Variants in FRMPD3 observed in about 807,000 individuals in gnomAD.
The protein encoded by FRMPD3 is FERM and PDZ domain-containing protein 3.
Under a neutral mutation model 97.9 loss-of-function variants are expected in FRMPD3, and 42 were observed. The observed-to-expected ratio is 0.43, with a 90% confidence interval of 0.34 to 0.55. FRMPD3 has a LOEUF of 0.55. Among genes scored for constraint, FRMPD3 ranks in the 20% least tolerant of loss-of-function variants. The pLI is 0.03. For synonymous variants in FRMPD3, 577 were observed against 581.1 expected (o/e 0.99, Z 0.10); for missense variants, 1,303 against 1,457.7 (o/e 0.89, Z 1.73).
At chrX:107,462,540 GA>G (rs1159514576) in intron 1 of FRMPD3, among the ~76,000 whole-genome samples, 1 of 112,151 alleles carries the variant, frequency 8.9e-6, no homozygotes, top group East Asian at 2.8e-4. Flanking sequence ...TCCAGGTGAG[GA>G]ATGATGCACC....
chrX:107,581,177 C>T (rs1235838056), intron 13 of FRMPD3, among the ~76,000 whole-genome samples: 1 of 110,977 alleles, frequency 9.0e-6, no homozygotes, highest in Admixed American at 9.7e-5. Flanking sequence ...GTCATGATCT[C>T]GGCTCATTGC....
intron 13 of FRMPD3, among the ~76,000 whole-genome samples, chrX:107,577,618 C>T (rs1469505791): frequency 2.7e-5 from 3 of 110,402 alleles, no homozygotes; most frequent in Non-Finnish European, 3.8e-5. Flanking sequence ...CTTTTTACTT[C>T]AGCCTGGGCG....
Position 107,560,758 on chromosome X carries a change from C to G in FRMPD3, c.931C>G (p.Pro311Ala), listed in dbSNP as rs1922322778. The change falls in exon 10 of 15, where the codon CCC becomes GCC. Residue 311 changes from proline to alanine, a missense_variant. By Grantham distance (27) the Pro-to-Ala change is conservative. Transcript: ENST00000683843. ...GTGGGGCCTGGAACCCTTTCTTCCCCCCTCCCTCCTGCAGGTCATCAAAGA... is the reference window on the plus strand; with the variant it reads ...GTGGGGCCTGGAACCCTTTCTTCCCGCCTCCCTCCTGCAGGTCATCAAAGA... ...KEWGLEPFLP[P>A]SLLQVIKEKN... 8.6e-7 allele frequency: 1 copy of G among 1,169,167 alleles called. No individual in the cohort carries two copies. Among genetic ancestry groups the G allele is most frequent in the Middle Eastern group, 2.3e-4 (1 of 4,306 alleles).
chrX:107,449,948 G>T lies in FRMPD3; in HGVS notation c.-65G>T, dbSNP rs1462172824. 9.1e-6 allele frequency among the ~76,000 whole-genome samples: 1 copy of T among 110,452 alleles called. No individual in the cohort carries two copies. The highest frequency in any genetic ancestry group is 1.9e-5 in the Non-Finnish European group (1 of 52,302). ...GCGCCGCCGCTGCCGCGCCGCTGAG[G>T]AGGCGGAGGAGGAGGAGGAGGAGGA... On this transcript the variant is annotated 5_prime_UTR_variant, in exon 1 of 15. Coordinates refer to ENST00000683843, the MANE Select transcript of FRMPD3 (RefSeq NM_001388459.1).
intron 1 of FRMPD3, among the ~76,000 whole-genome samples, chrX:107,490,400 T>C (rs1239277583): frequency 8.9e-6 from 1 of 112,174 alleles, no homozygotes; most frequent in African/African-American, 3.2e-5. Context: ...TTGATGGGGA[T>C]GCATTGAATC....
At chrX:107,575,105 C>T (rs1046470809) in intron 12 of FRMPD3, among the ~76,000 whole-genome samples, 1 of 112,246 alleles carries the variant, frequency 8.9e-6, no homozygotes, top group Non-Finnish European at 1.9e-5. Flanking sequence ...AACCCCAGGA[C>T]TAATCTGACT....
chrX:107,527,359 A>C (rs1173572972), intron 2 of FRMPD3, among the ~76,000 whole-genome samples: 1 of 112,668 alleles, frequency 8.9e-6, no homozygotes, highest in African/African-American at 3.2e-5. Context: ...CCACCCCTGC[A>C]AAGTAAATAA....
intron 4 of FRMPD3, among the ~76,000 whole-genome samples, chrX:107,537,844 A>T (rs1921071084): frequency 8.9e-6 from 1 of 111,743 alleles, no homozygotes; most frequent in Admixed American, 9.5e-5. Context: ...ATAACCCCCA[A>T]AATCAATAAT....
At chrX:107,466,989 G>GGTGT (rs773231357) in intron 1 of FRMPD3, among the ~76,000 whole-genome samples, 7,225 of 97,996 alleles carry the variant, frequency 0.074, 252 homozygotes, top group Non-Finnish European at 0.096. Flanking sequence ...ACAGGTTGGA[G>GGTGT]GTGTGTGTGT....
At chrX:107,481,951 C>T (rs973671461) in intron 1 of FRMPD3, among the ~76,000 whole-genome samples, 4 of 111,154 alleles carry the variant, frequency 3.6e-5, no homozygotes, top group South Asian at 3.9e-4. Context: ...ATAAGTAAAC[C>T]GAGACTCAGT....
intron 1 of FRMPD3, among the ~76,000 whole-genome samples, chrX:107,492,170 A>G (rs776579826): frequency 8.9e-6 from 1 of 112,169 alleles, no homozygotes; most frequent in Non-Finnish European, 1.9e-5. Context: ...TTAAGGTTGT[A>G]AAGCACTTTG....
At chrX:107,558,277 T>G (rs1922197282) in intron 8 of FRMPD3, among the ~76,000 whole-genome samples, 1 of 111,327 alleles carries the variant, frequency 9.0e-6, no homozygotes, top group African/African-American at 3.3e-5. Flanking sequence ...TTTGATGCTA[T>G]TGTAAATGAT....
At chrX:107,516,332 A>C (rs1210908006) in intron 1 of FRMPD3, among the ~76,000 whole-genome samples, 12 of 110,774 alleles carry the variant, frequency 1.1e-4, no homozygotes, top group Non-Finnish European at 1.7e-4. Context: ...GCCGCAATAA[A>C]CATACGTGTG....
intron 11 of FRMPD3, among the ~76,000 whole-genome samples, chrX:107,563,885 G>A: frequency 8.9e-6 from 1 of 112,025 alleles, no homozygotes; most frequent in Non-Finnish European, 1.9e-5. Flanking sequence ...CTGGGGCAGG[G>A]CACAGCTGGT....
intron 1 of FRMPD3, among the ~76,000 whole-genome samples, chrX:107,505,154 C>T (rs921995643): frequency 8.9e-6 from 1 of 112,232 alleles, no homozygotes; most frequent in Admixed American, 9.4e-5. Context: ...TAATCCCTGA[C>T]ATTTGTCTAG....
intron 1 of FRMPD3, among the ~76,000 whole-genome samples, chrX:107,482,488 G>T (rs1008628435): frequency 1.8e-5 from 2 of 111,184 alleles, no homozygotes; most frequent in African/African-American, 6.6e-5. Context: ...ATTCTGCCTT[G>T]GGGCCCATGT....
intron 4 of FRMPD3, among the ~76,000 whole-genome samples, chrX:107,539,755 C>A (rs1921204721): frequency 9.0e-6 from 1 of 111,443 alleles, no homozygotes; most frequent in South Asian, 3.8e-4. Flanking sequence ...TATGCCATGT[C>A]TACTATGTGC....
intron 1 of FRMPD3, among the ~76,000 whole-genome samples, chrX:107,464,174 C>T (rs192164897): frequency 4.0e-4 from 45 of 111,519 alleles, no homozygotes; most frequent in Admixed American, 5.7e-4. Context: ...CATTCACTGC[C>T]TCCCAAGGTA....
chrX:107,489,251 T>A (rs779356052), intron 1 of FRMPD3, among the ~76,000 whole-genome samples: 4 of 109,850 alleles, frequency 3.6e-5, no homozygotes, highest in East Asian at 2.9e-4. Context: ...GACATTTGGG[T>A]TGGTTCCAAG....
Sources: allele counts gnomAD v4.1 joint callset (sites outside exome capture counted in the v4.1 genomes callset), GRCh38; gene constraint gnomAD v4.1.1; transcripts MANE v1.5; gene names NCBI Gene and HGNC (gene_info 2026-07-23, HGNC 2026-07-21).